The following CEACAM5 variants were observed in gnomAD, a reference collection of about 807,000 sequenced individuals.
CEACAM5 encodes the protein CEA cell adhesion molecule 5, also known as cell adhesion molecule CEACAM5.
A neutral mutation model predicts 63.0 loss-of-function variants in CEACAM5; 52 were observed. The ratio of observed to expected loss-of-function variants is 0.83; its 90% confidence interval spans 0.66 to 1.04. The LOEUF (loss-of-function observed/expected upper bound fraction) is 1.04, where lower values mean the gene tolerates loss of function less well. CEACAM5 is among the 50% of genes least tolerant of loss of function. The probability of loss-of-function intolerance (pLI) is 0.00; values close to 1 mark genes in which losing one functional copy is unlikely to be tolerated. For missense variants in CEACAM5, 790 were observed against 864.8 expected, an observed-to-expected ratio of 0.91 and a Z score of 1.08; for synonymous variants, 357 against 351.3, an observed-to-expected ratio of 1.02 and a Z score of -0.18.
Position 41,711,325 on chromosome 19 carries a change from A to G in CEACAM5, c.424+1286A>G, listed in dbSNP as rs72480764. Among the ~76,000 whole-genome samples, 288 of 152,296 alleles carry G rather than the reference A, an allele frequency of 1.9e-3. 5 individuals are homozygous for G. In the East Asian group the frequency reaches 0.046, roughly 24 times the overall value. On this transcript the variant is annotated intron_variant, in intron 2 of 9. Coordinates refer to ENST00000221992, the MANE Select transcript of CEACAM5 (RefSeq NM_004363.6). ...GTGTCAGTGTCACTCCCACGGAAGG[A>G]TAAAGGAAAGGACTTCGCTTTCTCT...
chr19:41,717,636 A>G lies in CEACAM5; in HGVS notation c.1140A>G (p.Leu380=), dbSNP rs781896194. ...QLSNDNRTLT[L]LSVTRNDVGP... ...CCAATGACAACAGGACCCTCACTCT[A>G]CTCAGTGTCACAAGGAATGATGTAG... is the stretch of plus-strand genomic sequence containing the variant. Residue 380 remains leucine, a synonymous_variant, in exon 5 of 10, where the codon CTA becomes CTG. Coordinates refer to ENST00000221992, the MANE Select transcript of CEACAM5 (RefSeq NM_004363.6). The G allele has an allele frequency of 8.1e-6, 13 of 1,614,032 alleles. No homozygotes were observed. In the South Asian group the frequency reaches 1.3e-4, roughly 16 times the overall value.
At chr19:41,719,837 C>T (rs2072588788) in intron 6 of CEACAM5, 93 bp from the exon 7 acceptor site, 1 of 1,576,928 alleles carries the variant, frequency 6.3e-7, no homozygotes, top group African/African-American at 1.3e-5. Context: ...CTCGGGTGGG[C>T]TGAAGGGTGG....
At chr19:41,714,894 G>A in intron 2 of CEACAM5, 77 bp from the exon 3 acceptor site, 1 of 1,600,994 alleles carries the variant, frequency 6.2e-7, no homozygotes, top group Non-Finnish European at 8.5e-7. Flanking sequence ...GGTGGAAGGT[G>A]CCAACTCTGA....
Position 41,709,959 on chromosome 19 carries a change from A to T in CEACAM5, c.344A>T (p.Asn115Ile), listed in dbSNP as rs375689687. ...CTGCTGATCCAGAACATCATCCAGA[A>T]TGACACAGGATTCTACACCCTACAC... ...ASLLIQNIIQ[N>I]DTGFYTLHVI... The change falls in exon 2 of 10, where the codon AAT becomes ATT. Residue 115 changes from asparagine (N) to isoleucine (I), a missense_variant. By Grantham distance (149) the Asn-to-Ile change is moderately radical (BLOSUM62 -3). Transcript: ENST00000221992. 1 of 1,613,948 alleles carries T rather than the reference A, an allele frequency of 6.2e-7. No homozygotes were observed. The highest frequency in any genetic ancestry group is 2.2e-5 in the East Asian group (1 of 44,868).
intron 2 of CEACAM5, among the ~76,000 whole-genome samples, chr19:41,712,637 C>T (rs1261336336): frequency 2.6e-5 from 4 of 152,214 alleles, no homozygotes; most frequent in Non-Finnish European, 4.4e-5. Flanking sequence ...GGTCTCACAT[C>T]CCTCTCTCTG....
chr19:41,715,180 A>C lies in CEACAM5; in HGVS notation c.634A>C (p.Ser212Arg), dbSNP rs533268241. ...CAATGTCACAAGAAATGACACAGCAAGCTACAAATGTGAAACCCAGAACCC... is the reference window on the plus strand; with the variant it reads ...CAATGTCACAAGAAATGACACAGCACGCTACAAATGTGAAACCCAGAACCC... ...LFNVTRNDTASYKCETQNPVS... is the reference protein window; with the variant it reads ...LFNVTRNDTARYKCETQNPVS... The change falls in exon 3 of 10, where the codon AGC becomes CGC. Residue 212 changes from serine (S) to arginine (R), a missense_variant. Transcript: ENST00000221992. 1 of 1,614,222 alleles carries C rather than the reference A, an allele frequency of 6.2e-7. No individual in the cohort carries two copies. The highest frequency in any genetic ancestry group is 1.1e-5 in the South Asian group (1 of 91,086).
chr19:41,717,832 CT>C, intron 5 of CEACAM5, 99 bp downstream of exon 5: 3 of 1,441,986 alleles, frequency 2.1e-6, no homozygotes, highest in Non-Finnish European at 2.9e-6. Context: ...AGGACAGAGA[CT>C]TTTACCCCTG....
At chr19:41,709,435 G>A (rs2072395840) in intron 1 of CEACAM5, among the ~76,000 whole-genome samples, 1 of 152,070 alleles carries the variant, frequency 6.6e-6, no homozygotes, top group Non-Finnish European at 1.5e-5. Context: ...CAATGGGGAG[G>A]GAGCCGTGAA....
intron 2 of CEACAM5, 23 bp from the exon 3 acceptor site, chr19:41,714,948 T>C (rs782621200): frequency 6.2e-7 from 1 of 1,613,860 alleles, no homozygotes; most frequent in Non-Finnish European, 8.5e-7. Flanking sequence ...CACAGGGCAA[T>C]CTTCTCTCTG....
intron 8 of CEACAM5, among the ~76,000 whole-genome samples, chr19:41,723,117 T>G (rs2072650938): frequency 6.6e-6 from 1 of 152,126 alleles, no homozygotes; most frequent in Admixed American, 6.5e-5. Flanking sequence ...TTTCACAGTG[T>G]TAGCCAGGAT....
chr19:41,715,081 T>C lies in CEACAM5; in HGVS notation c.535T>C (p.Trp179Arg). 1 of 1,614,132 alleles carries C rather than the reference T, an allele frequency of 6.2e-7. No homozygotes were observed. The highest frequency in any genetic ancestry group is 8.5e-7 in the Non-Finnish European group (1 of 1,180,016). Residue 179 changes from tryptophan (W) to arginine (R), a missense_variant, in exon 3 of 10, where the codon TGG becomes CGG. Trp to Arg is a moderately radical substitution (Grantham distance 101). Coordinates refer to ENST00000221992, the MANE Select transcript of CEACAM5 (RefSeq NM_004363.6). ...GACTCAGGACGCAACCTACCTGTGG[T>C]GGGTAAACAATCAGAGCCTCCCGGT... is the stretch of plus-strand genomic sequence containing the variant. ...PETQDATYLW[W>R]VNNQSLPVSP...
rs1555813316 is a variant in CEACAM5 at position 41,708,719 on chromosome 19, G to T, written c.-13G>T. On this transcript the variant is annotated 5_prime_UTR_variant, in exon 1 of 10. Coordinates refer to ENST00000221992, the MANE Select transcript of CEACAM5 (RefSeq NM_004363.6). ...CTTCTCCACAGAGGAGGACAGAGCA[G>T]ACAGCAGAGACCATGGAGTCTCCCT... The T allele has an allele frequency of 4.4e-6, 7 of 1,608,616 alleles. No individual in the cohort carries two copies. Among genetic ancestry groups the T allele is most frequent in the Non-Finnish European group, 8.5e-7 (1 of 1,177,092 alleles).
At chr19:41,727,620 T>C (rs2072718116) in intron 9 of CEACAM5, among the ~76,000 whole-genome samples, 2 of 152,216 alleles carry the variant, frequency 1.3e-5, no homozygotes, top group African/African-American at 2.4e-5. Context: ...CTTGGTCCTT[T>C]TTTAACATCT....
intron 9 of CEACAM5, among the ~76,000 whole-genome samples, chr19:41,728,478 G>A (rs1158273906): frequency 6.6e-6 from 1 of 152,182 alleles, no homozygotes; most frequent in East Asian, 1.9e-4. Flanking sequence ...ATGACTTTCA[G>A]CTAGGAGGAT....
In CEACAM5 at chr19:41,710,045, TG is replaced by T. The variant is rs782228739; in HGVS notation, c.424+7del. The T allele has an allele frequency of 7.0e-5, 112 of 1,591,314 alleles. No individual in the cohort carries two copies. In the African/African-American group the frequency reaches 7.1e-4, roughly 10 times the overall value. ...TGGCCAGTTCCGGGTATACCGTGAG[TG>T]ATTCCCCCATGACCTCTGGGTGTTG... On this transcript the variant is annotated splice_region_variant and intron_variant, in intron 2 of 9. Coordinates refer to ENST00000221992, the MANE Select transcript of CEACAM5 (RefSeq NM_004363.6).
chr19:41,721,281 G>A (rs2072617642), intron 8 of CEACAM5, 105 bp downstream of exon 8: 1 of 1,332,142 alleles, frequency 7.5e-7, no homozygotes, highest in Non-Finnish European at 1.1e-6. Context: ...GTGTTCCATG[G>A]GCACAAGGAA....
intron 3 of CEACAM5, 179 bp from the exon 4 acceptor site, chr19:41,715,471 C>G: frequency 9.0e-7 from 1 of 1,117,224 alleles, no homozygotes; most frequent in Middle Eastern, 1.9e-4. Flanking sequence ...AGGGTCCACA[C>G]CCTATGATGG....
rs1046952023 is a variant in CEACAM5, at chr19:41,729,428, T to A, written c.*281T>A. 9.2e-5 allele frequency: 14 copies of A among 152,122 alleles called. No individual in the cohort carries two copies. Among genetic ancestry groups the A allele is most frequent in the African/African-American group, 3.1e-4 (13 of 41,366 alleles). 9.4% of individuals were successfully genotyped at this position (152,122 alleles called of 1,614,324 possible). On this transcript the variant is annotated 3_prime_UTR_variant, in exon 10 of 10. Coordinates refer to ENST00000221992, the MANE Select transcript of CEACAM5 (RefSeq NM_004363.6). ...TGAACCCGGGAGGTGGAGATTGCAG[T>A]GAGCCCAGATCGCACCACTGCACTC...
intron 2 of CEACAM5, among the ~76,000 whole-genome samples, chr19:41,712,942 TC>T (rs1236501352): frequency 1.3e-5 from 2 of 152,176 alleles, no homozygotes; most frequent in African/African-American, 4.8e-5. Context: ...GTATCCCAAA[TC>T]CTAAAATCCA....
Sources: allele counts gnomAD v4.1 joint callset (sites outside exome capture counted in the v4.1 genomes callset), GRCh38; gene constraint gnomAD v4.1.1; transcripts MANE v1.5; gene names NCBI Gene and HGNC (gene_info 2026-07-23, HGNC 2026-07-21).